The following NSG1 variants were observed in gnomAD, a reference collection of about 807,000 sequenced individuals.
NSG1 encodes neuronal vesicle trafficking-associated protein 1.
In NSG1, 9 loss-of-function variants were observed where a neutral mutation model predicts 19.3. That is an observed-to-expected ratio of 0.47 (90% confidence interval 0.28 to 0.81). The LOEUF is 0.81. NSG1 is among the 40% of genes least tolerant of loss of function. The pLI is 0.11. For synonymous variants in NSG1, 104 were observed against 107.0 expected (o/e 0.97, Z 0.17); for missense variants, 236 against 242.4 (o/e 0.97, Z 0.18).
At chr4:4,416,243 T>TA in intron 4 of NSG1, 1 of 701,504 alleles carries the variant, frequency 1.4e-6, no homozygotes, top group Non-Finnish European at 2.6e-6. Flanking sequence ...CCTTCTCCTG[T>TA]AGCGCCGCCC....
At chr4:4,411,773 CAAA>C (rs761447181) in intron 4 of NSG1, among the ~76,000 whole-genome samples, 3 of 130,854 alleles carry the variant, frequency 2.3e-5, no homozygotes, top group African/African-American at 8.8e-5. Context: ...CAAAACAAAA[CAAA>C]ACAAAACAAA....
chr4:4,414,436 CT>C (rs373342516), intron 4 of NSG1, among the ~76,000 whole-genome samples: 6,523 of 151,814 alleles, frequency 0.043, 357 homozygotes, highest in African/African-American at 0.15. Context: ...AGGGGGTGTC[CT>C]TTCCGGAGAA....
At chr4:4,387,460 C>A in intron 1 of NSG1, 144 bp from the exon 2 acceptor site, 1 of 608,668 alleles carries the variant, frequency 1.6e-6, no homozygotes, top group Non-Finnish European at 2.9e-6. Flanking sequence ...CCGTGACCAC[C>A]GCGTCCCCAC....
In NSG1 at chr4:4,417,391, A is replaced by C; in HGVS notation, c.514A>C (p.Lys172Gln). Residue 172 changes from lysine (K) to glutamine (Q), a missense_variant, in exon 5 of 5, where the codon AAG (lysine) becomes CAG (glutamine). By Grantham distance (53) the Lys-to-Gln change is moderately conservative (BLOSUM62 1). Transcript: ENST00000621129. ...CTGGATGTCAGTTCTGTCAGAAGAG[A>C]AGCTGTCCGAGCAGGAGACTGAAGC... is the stretch of plus-strand genomic sequence containing the variant. Reference protein sequence around the residue: ...SPWMSVLSEEKLSEQETEAAE... With the variant: ...SPWMSVLSEEQLSEQETEAAE... 1 of 1,614,194 alleles carries C rather than the reference A, an allele frequency of 6.2e-7. No homozygotes were observed.
At chr4:4,407,040 C>G (rs891670718) in intron 3 of NSG1, among the ~76,000 whole-genome samples, 2 of 152,266 alleles carry the variant, frequency 1.3e-5, no homozygotes, top group East Asian at 3.9e-4. Context: ...CTGGACTAAA[C>G]GGCGCCTTTC....
At chr4:4,398,991 G>T (rs1438384678) in intron 3 of NSG1, among the ~76,000 whole-genome samples, 2 of 152,196 alleles carry the variant, frequency 1.3e-5, no homozygotes, top group African/African-American at 4.8e-5. Context: ...TAGTGGATAT[G>T]AAGTAGTATC....
chr4:4,397,559 C>T (rs983055882), intron 3 of NSG1, among the ~76,000 whole-genome samples: 13 of 152,212 alleles, frequency 8.5e-5, no homozygotes, highest in African/African-American at 2.7e-4. Flanking sequence ...GTGCTGAGGC[C>T]GCTCACGCTT....
chr4:4,392,042 G>A (rs1242679450), intron 3 of NSG1, among the ~76,000 whole-genome samples: 2 of 152,216 alleles, frequency 1.3e-5, no homozygotes, highest in African/African-American at 4.8e-5. Context: ...AGTACTATCG[G>A]TATAACCCAT....
intron 1 of NSG1, 43 bp from the exon 2 acceptor site, chr4:4,387,561 C>CGGGGGGGGGTGGGGGG: frequency 8.8e-7 from 1 of 1,141,990 alleles, no homozygotes. Flanking sequence ...CGCCCCGCCC[C>CGGGGGGGGGTGGGGGG]GGGTCTTGCT....
Position 4,387,823 on chromosome 4 carries a change from A to C in NSG1, c.129+65A>C. 3.7e-6 allele frequency: 5 copies of C among 1,354,504 alleles called. 1 individual carries two copies. Among genetic ancestry groups the C allele is most frequent in the Non-Finnish European group, 5.2e-6 (5 of 966,990 alleles). The allele number at this position is 1,354,504 out of a possible 1,614,324, so 83.9% of individuals were successfully genotyped here. A position where few individuals can be genotyped will look rare whatever the true frequency, so the allele number is the denominator to read the frequency against. ...CCCCCAAATCTCGCACGGCGGGCGC[A>C]ACAAAAGAAACGCGCCGCGTGCGCT... On this transcript the variant is annotated intron_variant, in intron 2 of 4. Transcript: ENST00000621129.
chr4:4,417,099 GC>G (rs1222748820), intron 4 of NSG1, 135 bp from the exon 5 acceptor site: 3 of 701,998 alleles, frequency 4.3e-6, no homozygotes, highest in Non-Finnish European at 7.6e-6. Flanking sequence ...CAAGATCCAT[GC>G]CCGTTTTTGC....
Position 4,417,553 on chromosome 4 carries a change from TTC to T in NSG1, c.*120_*121del, listed in dbSNP as rs1724646950. On this transcript the variant is annotated 3_prime_UTR_variant, in exon 5 of 5. Transcript: ENST00000621129. Reference sequence around the variant, plus strand: ...GGTTACTCATTTACGGTGCAATTGCTTCTGTTTGCTAATGCTGCTTTGCAAAT... The same window carrying T: ...GGTTACTCATTTACGGTGCAATTGCTTGTTTGCTAATGCTGCTTTGCAAAT... 2 of 977,094 alleles carry T rather than the reference TTC, an allele frequency of 2.0e-6. No individual in the cohort carries two copies. The highest frequency in any genetic ancestry group is 3.0e-6 in the Non-Finnish European group (2 of 659,340). The allele number at this position is 977,094 out of a possible 1,614,324, so 60.5% of individuals were successfully genotyped here. A position where few individuals can be genotyped will look rare whatever the true frequency, so the allele number is the denominator to read the frequency against.
At chr4:4,414,682 T>C (rs1377138962) in intron 4 of NSG1, among the ~76,000 whole-genome samples, 1 of 152,100 alleles carries the variant, frequency 6.6e-6, no homozygotes, top group Non-Finnish European at 1.5e-5. Context: ...ATTTTACCAG[T>C]GGTTAGAGGG....
intron 3 of NSG1, among the ~76,000 whole-genome samples, chr4:4,399,601 C>A (rs966500143): frequency 6.6e-6 from 1 of 151,784 alleles, no homozygotes; most frequent in Non-Finnish European, 1.5e-5. Context: ...TTGCTAGTTT[C>A]TTTGATAAAC....
chr4:4,415,832 A>T, intron 4 of NSG1: 1 of 427,778 alleles, frequency 2.3e-6, no homozygotes, highest in Non-Finnish European at 4.2e-6. Flanking sequence ...GACGAGCAGC[A>T]GATGGAGAGG....
At chr4:4,395,797 C>A (rs1455733654) in intron 3 of NSG1, among the ~76,000 whole-genome samples, 3 of 152,206 alleles carry the variant, frequency 2.0e-5, no homozygotes, top group Non-Finnish European at 4.4e-5. Flanking sequence ...TCTCGCCTTT[C>A]CGATCTTGAA....
intron 3 of NSG1, among the ~76,000 whole-genome samples, chr4:4,400,409 G>C (rs1723489310): frequency 6.6e-6 from 1 of 152,202 alleles, no homozygotes; most frequent in Middle Eastern, 3.4e-3. Flanking sequence ...TTTGTTCTTT[G>C]TTTTCAAGAC....
At chr4:4,409,261 G>A (rs538532878) in intron 3 of NSG1, among the ~76,000 whole-genome samples, 72 of 152,256 alleles carry the variant, frequency 4.7e-4, no homozygotes, top group Non-Finnish European at 8.8e-4. Flanking sequence ...TTAGTGGCCC[G>A]AGAGCTGCCT....
intron 1 of NSG1, 43 bp from the exon 2 acceptor site, chr4:4,387,561 C>CGGGCGGG: frequency 8.8e-7 from 1 of 1,141,992 alleles, no homozygotes; most frequent in Non-Finnish European, 1.2e-6. Flanking sequence ...CGCCCCGCCC[C>CGGGCGGG]GGGTCTTGCT....
Sources: gnomAD v4.1 joint callset for allele counts (sites outside exome capture counted in the v4.1 genomes callset) on GRCh38, gnomAD v4.1.1 for gene constraint, MANE v1.5 for transcripts, NCBI Gene and HGNC (gene_info 2026-07-23, HGNC 2026-07-21) for gene names.